The following NMNAT2 variants were observed in gnomAD, a reference collection of about 807,000 sequenced individuals.
NMNAT2 encodes the protein nicotinamide nucleotide adenylyltransferase 2, also known as nicotinamide/nicotinic acid mononucleotide adenylyltransferase 2.
In NMNAT2, 11 loss-of-function variants were observed where a neutral mutation model predicts 41.6. The ratio of observed to expected loss-of-function variants is 0.26; its 90% CI spans 0.17 to 0.44. The LOEUF is 0.44. Ranked by LOEUF, NMNAT2 falls within the 20% of genes least tolerant of loss-of-function variation. The pLI is 1.00. For missense variants in NMNAT2, 288 were observed against 407.7 expected (o/e 0.71, Z 2.53); for synonymous variants, 148 against 151.2 (o/e 0.98, Z 0.16).
chr1:183,275,813 C>A (rs1661108240), intron 8 of NMNAT2, among the ~76,000 whole-genome samples: 1 of 152,134 alleles, frequency 6.6e-6, no homozygotes, highest in South Asian at 2.1e-4. Flanking sequence ...GCTGGGACTA[C>A]AGGAGCCCGC....
chr1:183,335,083 T>G (rs1219991826), intron 1 of NMNAT2, among the ~76,000 whole-genome samples: 6 of 152,230 alleles, frequency 3.9e-5, no homozygotes, highest in African/African-American at 1.4e-4. Flanking sequence ...ACCTACCAGG[T>G]ACCTTACAGG....
rs144939060 is a variant in NMNAT2 at position 183,345,149 on chromosome 1, A to G, written c.86-51356T>C. ...CCCCCACCCCACCTTGTCTCCCCCT[A>G]GCTGACTTGCTTCTACTAACATCAC... On this transcript the variant is annotated intron_variant, in intron 1 of 10. Transcript: ENST00000287713. Among the ~76,000 whole-genome samples, 304 of 150,946 alleles carry G rather than the reference A, an allele frequency of 2.0e-3. 1 individual carries two copies. Among genetic ancestry groups the G allele is most frequent in the Non-Finnish European group, 3.6e-3 (245 of 67,874 alleles).
chr1:183,364,666 T>TCTTTCTTTCTTTCTTTCTTTCTTTCTTC (rs1663376609), intron 1 of NMNAT2, among the ~76,000 whole-genome samples: 1 of 150,354 alleles, frequency 6.7e-6, no homozygotes, highest in African/African-American at 2.4e-5. Flanking sequence ...TTTCTTTCTT[T>TCTTTCTTTCTTTCTTTCTTTCTTTCTTC]CTTACTTTCT....
In NMNAT2 at chr1:183,249,341, TC is replaced by T. The variant is rs1237176848; in HGVS notation, c.*3299del. 6.6e-6 allele frequency: 1 copy of T among 152,176 alleles called. No homozygotes were observed. The highest frequency in any genetic ancestry group is 1.5e-5 in the Non-Finnish European group (1 of 68,022). The allele number at this position is 152,176 out of a possible 1,614,324, so 9.4% of individuals were successfully genotyped here. A position where few individuals can be genotyped will look rare whatever the true frequency, so the allele number is the denominator to read the frequency against. ...ACAGAGTTATTGACAAAAAGGGTTT[TC>T]CTTCTGCCTGTTCTTACATCAGCCA... On this transcript the variant is annotated 3_prime_UTR_variant, in exon 11 of 11. Transcript: ENST00000287713.
At chr1:183,260,743 C>T (rs1386006569) in intron 10 of NMNAT2, among the ~76,000 whole-genome samples, 2 of 149,808 alleles carry the variant, frequency 1.3e-5, no homozygotes, top group East Asian at 2.0e-4. Context: ...TGCTTGAACC[C>T]AGGAGGCGGG....
intron 1 of NMNAT2, among the ~76,000 whole-genome samples, chr1:183,385,273 G>A (rs908649291): frequency 1.3e-5 from 2 of 152,066 alleles, no homozygotes; most frequent in African/African-American, 4.8e-5. Context: ...AGGTATATAC[G>A]TGTGCCTGCC....
intron 1 of NMNAT2, among the ~76,000 whole-genome samples, chr1:183,368,871 T>C (rs1452926508): frequency 6.6e-6 from 1 of 152,216 alleles, no homozygotes; most frequent in Non-Finnish European, 1.5e-5. Flanking sequence ...ATGAAGTGAG[T>C]CTGTGCAAAA....
chr1:183,366,678 G>A (rs555652631), intron 1 of NMNAT2, among the ~76,000 whole-genome samples: 1 of 152,302 alleles, frequency 6.6e-6, no homozygotes, highest in African/African-American at 2.4e-5. Context: ...TGCAGGGATA[G>A]ATGGTGGTGC....
intron 1 of NMNAT2, among the ~76,000 whole-genome samples, chr1:183,322,671 C>T (rs972647782): frequency 6.6e-5 from 10 of 152,166 alleles, no homozygotes; most frequent in Admixed American, 4.6e-4. Flanking sequence ...CCTCAATAAG[C>T]GATCTGGAGC....
At chr1:183,357,626 T>A (rs1663224056) in intron 1 of NMNAT2, among the ~76,000 whole-genome samples, 1 of 152,230 alleles carries the variant, frequency 6.6e-6, no homozygotes. Context: ...ATCAACAGTG[T>A]ACAAGCGTTC....
At chr1:183,307,449 ATT>A (rs5779163) in intron 1 of NMNAT2, among the ~76,000 whole-genome samples, 32 of 146,910 alleles carry the variant, frequency 2.2e-4, no homozygotes, top group Admixed American at 1.3e-3. Flanking sequence ...TGGAATGTAT[ATT>A]TTTTTTTTTA....
chr1:183,252,589 G>T lies in NMNAT2; in HGVS notation c.*52C>A. 1 of 1,236,626 alleles carries T rather than the reference G, an allele frequency of 8.1e-7. No individual in the cohort carries two copies. The highest frequency in any genetic ancestry group is 1.2e-6 in the Non-Finnish European group (1 of 835,112). 76.6% of individuals were successfully genotyped at this position (1,236,626 alleles called of 1,614,324 possible). On this transcript the variant is annotated 3_prime_UTR_variant, in exon 11 of 11. Transcript: ENST00000287713. ...GAAACAGAGAGGCAGGAGAGAAACAGGGGGCTGACAAAGATGGAGGGGCCA... is the reference window on the plus strand; with the variant it reads ...GAAACAGAGAGGCAGGAGAGAAACATGGGGCTGACAAAGATGGAGGGGCCA...
At chr1:183,382,878 G>A (rs143340301) in intron 1 of NMNAT2, among the ~76,000 whole-genome samples, 84 of 152,244 alleles carry the variant, frequency 5.5e-4, no homozygotes, top group East Asian at 4.8e-3. Context: ...CCAAGTGCAC[G>A]GAGCCTGGAG....
At chr1:183,390,458 T>C (rs542359496) in intron 1 of NMNAT2, among the ~76,000 whole-genome samples, 1 of 152,318 alleles carries the variant, frequency 6.6e-6, no homozygotes, top group African/African-American at 2.4e-5. Context: ...CACCACACAT[T>C]ATGATTTCTA....
At chr1:183,363,282 A>G (rs967852291) in intron 1 of NMNAT2, among the ~76,000 whole-genome samples, 2 of 152,168 alleles carry the variant, frequency 1.3e-5, no homozygotes, top group African/African-American at 4.8e-5. Flanking sequence ...TTTTTTAAAA[A>G]TTTCTCTGAA....
intron 1 of NMNAT2, among the ~76,000 whole-genome samples, chr1:183,324,915 T>C (rs1329209729): frequency 6.6e-6 from 1 of 152,146 alleles, no homozygotes; most frequent in Middle Eastern, 3.2e-3. Flanking sequence ...AGTAGGTGCT[T>C]GATCAATGTT....
intron 1 of NMNAT2, among the ~76,000 whole-genome samples, chr1:183,295,946 T>G (rs1661680387): frequency 6.6e-6 from 1 of 152,186 alleles, no homozygotes; most frequent in Admixed American, 6.5e-5. Flanking sequence ...CCTCCCGGGC[T>G]TAAGCGATTC....
intron 1 of NMNAT2, among the ~76,000 whole-genome samples, chr1:183,376,238 G>T (rs142661514): frequency 6.6e-6 from 1 of 152,110 alleles, no homozygotes; most frequent in African/African-American, 2.4e-5. Context: ...CATTAGTTGA[G>T]AACCTATTAA....
intron 1 of NMNAT2, among the ~76,000 whole-genome samples, chr1:183,398,994 T>A (rs549146414): frequency 8.6e-4 from 130 of 151,988 alleles, no homozygotes; most frequent in African/African-American, 3.1e-3. Flanking sequence ...ACATCACAAT[T>A]AAAACAACTA....
Sources: allele counts gnomAD v4.1 joint callset (sites outside exome capture counted in the v4.1 genomes callset), GRCh38; gene constraint gnomAD v4.1.1; transcripts MANE v1.5; gene names NCBI Gene and HGNC (gene_info 2026-07-23, HGNC 2026-07-21).